MTAP: variants seen among roughly 807,000 people sequenced by gnomAD.
MTAP encodes methylthioadenosine phosphorylase, also known as S-methyl-5'-thioadenosine phosphorylase.
Under a neutral mutation model 33.6 loss-of-function variants are expected in MTAP, and 33 were observed. The observed-to-expected ratio is 0.98, with a 90% CI of 0.74 to 1.31. The LOEUF is 1.31. Among genes scored for constraint, MTAP ranks in the 40% most tolerant of loss-of-function variants. MTAP has a pLI of 0.00. For missense variants in MTAP, 367 were observed against 360.0 expected (o/e 1.02, Z -0.16); for synonymous variants, 148 against 125.7 (o/e 1.18, Z -1.19).
intron 1 of MTAP, among the ~76,000 whole-genome samples, chr9:21,804,072 G>T (rs1018533037): frequency 2.0e-5 from 3 of 152,324 alleles, no homozygotes; most frequent in East Asian, 1.9e-4. Flanking sequence ...TGAAACTCGT[G>T]TGAAGTATGT....
chr9:21,838,046 T>G (rs779618479), intron 5 of MTAP, 36 bp downstream of exon 5: 56 of 1,572,278 alleles, frequency 3.6e-5, no homozygotes, highest in Non-Finnish European at 4.7e-5. Context: ...CCAGAATAAA[T>G]CATGTGGGCT....
At chr9:21,840,112 G>T (rs1021536993) in intron 5 of MTAP, among the ~76,000 whole-genome samples, 1 of 152,078 alleles carries the variant, frequency 6.6e-6, no homozygotes, top group Non-Finnish European at 1.5e-5. Context: ...TATAGTCCCA[G>T]CTACTTGGGA....
intron 5 of MTAP, among the ~76,000 whole-genome samples, chr9:21,841,736 C>G (rs1019782594): frequency 6.6e-6 from 1 of 152,216 alleles, no homozygotes; most frequent in African/African-American, 2.4e-5. Context: ...GGGGAGAGCA[C>G]CACATCAAGG....
At chr9:21,933,486 T>G (rs1342301889), downstream of MTAP, 6 of 152,346 alleles carry the variant, frequency 3.9e-5, no homozygotes, top group East Asian at 1.2e-3. Context: ...TTTTCCACCC[T>G]GTCTCCTCTA....
intron 1 of MTAP, among the ~76,000 whole-genome samples, chr9:21,895,475 G>C (rs773959370): frequency 7.2e-4 from 109 of 152,200 alleles, no homozygotes; most frequent in Non-Finnish European, 1.3e-3. Flanking sequence ...ACTGGGGCTT[G>C]TCAGACAGTG....
At chr9:21,841,721 G>A (rs1825250292) in intron 5 of MTAP, among the ~76,000 whole-genome samples, 1 of 152,208 alleles carries the variant, frequency 6.6e-6, no homozygotes, top group Admixed American at 6.5e-5. Context: ...CATCCCTAGG[G>A]GAAAGGGGAG....
chr9:21,921,617 T>C (rs1450069711), intron 1 of MTAP, among the ~76,000 whole-genome samples: 2 of 152,220 alleles, frequency 1.3e-5, no homozygotes, highest in Non-Finnish European at 2.9e-5. Context: ...CAATGGAATG[T>C]AGATTTTGAT....
At chr9:21,876,151 G>A (rs1025175133) in intron 1 of MTAP, among the ~76,000 whole-genome samples, 1 of 151,948 alleles carries the variant, frequency 6.6e-6, no homozygotes, top group Admixed American at 6.6e-5. Context: ...AAGTATGATT[G>A]TTGGCCACAT....
chr9:21,816,318 T>C (rs1824473639), intron 2 of MTAP, among the ~76,000 whole-genome samples: 1 of 152,210 alleles, frequency 6.6e-6, no homozygotes, highest in African/African-American at 2.4e-5. Context: ...CAAGCAGACA[T>C]TTCCAGTGCT....
intron 1 of MTAP, chr9:21,809,116 C>G (rs1824281617): frequency 6.6e-6 from 1 of 152,310 alleles, no homozygotes; most frequent in Non-Finnish European, 1.5e-5. Flanking sequence ...CCTTTTCTCT[C>G]CCTCTGCTTC....
At chr9:21,894,338 T>C (rs1421508763) in intron 1 of MTAP, among the ~76,000 whole-genome samples, 1 of 151,922 alleles carries the variant, frequency 6.6e-6, no homozygotes, top group African/African-American at 2.4e-5. Flanking sequence ...CCGTGAGAAC[T>C]GAAACAAGAC....
chr9:21,871,962 C>G (rs914736782), downstream of MTAP, among the ~76,000 whole-genome samples: 2 of 152,066 alleles, frequency 1.3e-5, no homozygotes, highest in African/African-American at 4.8e-5. Flanking sequence ...ATTACTTTTC[C>G]TGAGGTAATT....
At chr9:21,812,704 G>C (rs1824380598) in intron 1 of MTAP, among the ~76,000 whole-genome samples, 1 of 152,194 alleles carries the variant, frequency 6.6e-6, no homozygotes, top group South Asian at 2.1e-4. Flanking sequence ...TGCTTGTTCT[G>C]TGACCTTCGT....
At position 21,861,781 on chromosome 9, in the gene MTAP, G is replaced by A. The variant is rs189179317; in HGVS notation, c.814-195G>A. The A allele has an allele frequency of 1.2e-3, 747 of 598,398 alleles. 3 individuals carry two copies. Among genetic ancestry groups the A allele is most frequent in the African/African-American group, 0.012 (628 of 53,594 alleles). 37.1% of individuals were successfully genotyped at this position (598,398 alleles called of 1,614,324 possible). A position where few individuals can be genotyped will look rare whatever the true frequency, so the allele number is the denominator to read the frequency against. On this transcript the variant is annotated intron_variant, in intron 7 of 7. Coordinates refer to ENST00000644715, the MANE Select transcript of MTAP (RefSeq NM_002451.4). ...TCACTTTACAGGAAAGGGAGGTGAG[G>A]AACCAAGAGTTTAGAGTACCCGAAG...
chr9:21,891,948 C>G (rs773380581), intron 1 of MTAP, among the ~76,000 whole-genome samples: 8 of 152,056 alleles, frequency 5.3e-5, no homozygotes, highest in Non-Finnish European at 8.8e-5. Context: ...ACACTGTAAG[C>G]CAGAAGAGAA....
intron 4 of MTAP, among the ~76,000 whole-genome samples, chr9:21,833,324 A>T (rs1825019921): frequency 6.6e-6 from 1 of 152,162 alleles, no homozygotes; most frequent in South Asian, 2.1e-4. Flanking sequence ...CTGGGACTAC[A>T]AGGGTGTGAC....
At chr9:21,810,532 T>G (rs7871477) in intron 1 of MTAP, among the ~76,000 whole-genome samples, 39,796 of 151,956 alleles carry the variant, frequency 0.26, 8,474 homozygotes, top group African/African-American at 0.59. Context: ...ATCCCTTAAT[T>G]GGGGTGGATT....
chr9:21,851,548 T>C (rs547321384), intron 5 of MTAP, among the ~76,000 whole-genome samples: 10 of 152,358 alleles, frequency 6.6e-5, no homozygotes, highest in Non-Finnish European at 1.5e-4. Context: ...CGTGTAATTA[T>C]GACCTTATTA....
chr9:21,869,864 T>C (rs1428832139), downstream of MTAP, among the ~76,000 whole-genome samples: 1 of 151,792 alleles, frequency 6.6e-6, no homozygotes, highest in Admixed American at 6.6e-5. Flanking sequence ...CAGAATGATC[T>C]GTACAAAATG....
Sources: allele counts gnomAD v4.1 joint callset (sites outside exome capture counted in the v4.1 genomes callset), GRCh38; gene constraint gnomAD v4.1.1; transcripts MANE v1.5; gene names NCBI Gene and HGNC (gene_info 2026-07-23, HGNC 2026-07-21).